NCK1: variants seen among roughly 807,000 people sequenced by gnomAD.
NCK1 encodes NCK adaptor protein 1.
In NCK1, 19 loss-of-function variants were observed where a neutral mutation model predicts 36.6. The ratio of observed to expected loss-of-function variants is 0.52; its 90% CI spans 0.36 to 0.76. NCK1 has a LOEUF of 0.76. Among genes scored for constraint, NCK1 ranks in the 30% least tolerant of loss-of-function variants. The pLI is 0.00. For synonymous variants in NCK1, 165 were observed against 156.0 expected, an observed-to-expected ratio of 1.06 and a Z score of -0.43; for missense variants, 358 against 445.6, an observed-to-expected ratio of 0.80 and a Z score of 1.77.
intron 1 of NCK1, among the ~76,000 whole-genome samples, chr3:136,907,577 G>C (rs1939718166): frequency 6.6e-6 from 1 of 152,152 alleles, no homozygotes; most frequent in Non-Finnish European, 1.5e-5. Flanking sequence ...GATCCTGGTT[G>C]AGCAGGCTGT....
At chr3:136,906,468 G>C (rs113314410) in intron 1 of NCK1, among the ~76,000 whole-genome samples, 2 of 152,126 alleles carry the variant, frequency 1.3e-5, no homozygotes, top group African/African-American at 4.8e-5. Flanking sequence ...AGGCCCCAGT[G>C]GTGGCACCAG....
intron 2 of NCK1, among the ~76,000 whole-genome samples, chr3:136,943,761 G>A (rs9833952): frequency 0.68 from 103,122 of 152,054 alleles, 35,301 homozygotes; most frequent in East Asian, 0.87. Flanking sequence ...AGACAGACAA[G>A]TAAACAAGTA....
chr3:136,895,929 T>C (rs1341638936), intron 1 of NCK1, among the ~76,000 whole-genome samples: 2 of 152,374 alleles, frequency 1.3e-5, no homozygotes, highest in East Asian at 1.9e-4. Context: ...ATTTTAATTA[T>C]GATATATCTG....
chr3:136,935,293 G>C (rs1281981273), intron 2 of NCK1, among the ~76,000 whole-genome samples: 1 of 151,928 alleles, frequency 6.6e-6, no homozygotes, highest in African/African-American at 2.4e-5. Context: ...CTGATCTTTT[G>C]CATTTCTTTT....
At chr3:136,931,105 A>T (rs901369317) in intron 2 of NCK1, among the ~76,000 whole-genome samples, 4 of 152,038 alleles carry the variant, frequency 2.6e-5, no homozygotes, top group Non-Finnish European at 5.9e-5. Context: ...CTAGAAATTG[A>T]TGTTTTGATT....
At chr3:136,902,198 T>G (rs111286586) in intron 1 of NCK1, among the ~76,000 whole-genome samples, 290 of 131,506 alleles carry the variant, frequency 2.2e-3, no homozygotes, top group South Asian at 5.0e-3. Flanking sequence ...TTTTTTTTTT[T>G]TTTTGTTTTT....
At chr3:136,888,746 A>G (rs1482536846) in intron 1 of NCK1, among the ~76,000 whole-genome samples, 1 of 152,164 alleles carries the variant, frequency 6.6e-6, no homozygotes, top group African/African-American at 2.4e-5. Flanking sequence ...CTAGGAAACC[A>G]TTAATCTGCC....
intron 1 of NCK1, among the ~76,000 whole-genome samples, chr3:136,891,919 C>T (rs1323231345): frequency 6.6e-6 from 1 of 152,200 alleles, no homozygotes; most frequent in African/African-American, 2.4e-5. Flanking sequence ...GACAAAGTCT[C>T]ACTGTATCAC....
chr3:136,948,146 C>A, intron 3 of NCK1, 113 bp from the exon 4 acceptor site: 2 of 704,756 alleles, frequency 2.8e-6, no homozygotes, highest in Non-Finnish European at 4.4e-6. Flanking sequence ...AATAATTTAC[C>A]ATGGTGCCTA....
At chr3:136,864,469 C>CA in intron 1 of NCK1, among the ~76,000 whole-genome samples, 1 of 149,958 alleles carries the variant, frequency 6.7e-6, no homozygotes, top group Middle Eastern at 3.4e-3. Context: ...AGCCTGGCAA[C>CA]AGAGCAAGAT....
At chr3:136,879,821 A>T (rs192315571) in intron 1 of NCK1, among the ~76,000 whole-genome samples, 1 of 152,174 alleles carries the variant, frequency 6.6e-6, no homozygotes, top group East Asian at 1.9e-4. Context: ...GGAGGGGAAC[A>T]TCACACATTG....
At chr3:136,867,889 AG>A (rs1302991832) in intron 1 of NCK1, among the ~76,000 whole-genome samples, 2 of 150,950 alleles carry the variant, frequency 1.3e-5, no homozygotes. Context: ...TGAAAACTTC[AG>A]GGCAGGGGAA....
intron 2 of NCK1, among the ~76,000 whole-genome samples, chr3:136,940,999 A>G (rs73231974): frequency 0.071 from 10,751 of 151,830 alleles, 424 homozygotes; most frequent in Non-Finnish European, 0.095. Context: ...GTTATTTTTA[A>G]TCTATTTACA....
chr3:136,882,547 CTGTGTGTGTGTGTGTGTGTGTGTG>C (rs35463509), intron 1 of NCK1, among the ~76,000 whole-genome samples: 1 of 143,410 alleles, frequency 7.0e-6, no homozygotes, highest in Admixed American at 7.0e-5. Flanking sequence ...TCCCACATCA[CTGTGTGTGTGTGTGTGTGTGTGTG>C]TGTGTGTGTG....
chr3:136,928,437 A>G, intron 2 of NCK1: 1 of 554,762 alleles, frequency 1.8e-6, no homozygotes, highest in East Asian at 3.0e-5. Flanking sequence ...CCATGCTCCA[A>G]GTCAAGGCAG....
intron 1 of NCK1, among the ~76,000 whole-genome samples, chr3:136,879,962 A>G (rs556423051): frequency 1.4e-5 from 2 of 146,920 alleles, no homozygotes; most frequent in East Asian, 4.1e-4. Context: ...CACGTTGTGC[A>G]CATGTACCCT....
At chr3:136,867,104 CTTT>C (rs1560028444) in intron 1 of NCK1, among the ~76,000 whole-genome samples, 1,143 of 31,476 alleles carry the variant, frequency 0.036, 108 homozygotes, top group Middle Eastern at 0.061. Flanking sequence ...TTCTTTCTTT[CTTT>C]CTTTCTTTCT....
At chr3:136,926,713 C>T (rs1387426821) in intron 1 of NCK1, among the ~76,000 whole-genome samples, 1 of 152,058 alleles carries the variant, frequency 6.6e-6, no homozygotes, top group East Asian at 1.9e-4. Flanking sequence ...AATATGATTT[C>T]TTCTTAGATT....
chr3:136,866,639 C>T (rs1057451229), intron 1 of NCK1, among the ~76,000 whole-genome samples: 8 of 147,532 alleles, frequency 5.4e-5, no homozygotes, highest in African/African-American at 1.5e-4. Flanking sequence ...TTCTTTGAGG[C>T]GTCTCACTCT....
Sources: allele counts gnomAD v4.1 joint callset (sites outside exome capture counted in the v4.1 genomes callset), GRCh38; gene constraint gnomAD v4.1.1; transcripts MANE v1.5; gene names NCBI Gene and HGNC (gene_info 2026-07-23, HGNC 2026-07-21).